SIL1: variants seen among roughly 807,000 people sequenced by gnomAD.
SIL1 encodes the protein nucleotide exchange factor SIL1.
In SIL1, 40 loss-of-function variants were observed where a neutral mutation model predicts 49.1. The observed-to-expected ratio is 0.81, with a 90% CI of 0.63 to 1.06. SIL1 has a LOEUF of 1.06. Among genes scored for constraint, SIL1 ranks in the 50% least tolerant of loss-of-function variants. SIL1 has a pLI of 0.00. For missense variants in SIL1, 500 were observed against 572.6 expected, an observed-to-expected ratio of 0.87 and a Z score of 1.29; for synonymous variants, 253 against 250.8, an observed-to-expected ratio of 1.01 and a Z score of -0.08.
intron 3 of SIL1, among the ~76,000 whole-genome samples, 160 bp downstream of exon 3, chr5:139,120,875 C>T (rs1750612985): frequency 6.6e-6 from 1 of 152,220 alleles, no homozygotes; most frequent in Non-Finnish European, 1.5e-5. Flanking sequence ...AAACGAAGGT[C>T]CCTGAGCCCT....
intron 3 of SIL1, among the ~76,000 whole-genome samples, chr5:139,113,792 G>C (rs1297175659): frequency 6.6e-6 from 1 of 152,188 alleles, no homozygotes; most frequent in African/African-American, 2.4e-5. Flanking sequence ...AGCTACAAAG[G>C]TTCTCTGAAC....
intron 7 of SIL1, among the ~76,000 whole-genome samples, chr5:139,011,648 A>T (rs1211417314): frequency 6.6e-6 from 1 of 152,046 alleles, no homozygotes; most frequent in Non-Finnish European, 1.5e-5. Context: ...TATAGTTTTA[A>T]AAGTTTGATT....
intron 7 of SIL1, among the ~76,000 whole-genome samples, chr5:139,003,611 AGAT>A (rs1768041865): frequency 6.6e-6 from 1 of 152,260 alleles, no homozygotes; most frequent in South Asian, 2.1e-4. Flanking sequence ...TCAAGACAGA[AGAT>A]GATGTCTCCT....
rs55731110 is a variant in SIL1 at position 139,128,651 on chromosome 5, C to CAA, written c.-10-800_-10-799dup. Among the ~76,000 whole-genome samples, 721 of 125,982 alleles carry CAA rather than the reference C, an allele frequency of 5.7e-3. 3 individuals are homozygous for CAA. Among genetic ancestry groups the CAA allele is most frequent in the African/African-American group, 0.022 (688 of 31,612 alleles). 82.6% of individuals were successfully genotyped at this position (125,982 alleles called of 152,430 possible). On this transcript the variant is annotated intron_variant, in intron 1 of 9. Transcript: ENST00000394817. ...GTGACAGAATGAGACCCCATCCCTC[C>CAA]AAAAAAAAAAAAAAAATTAAAAGAA... is the stretch of plus-strand genomic sequence containing the variant.
In SIL1 at chr5:139,076,915, G is replaced by A. The variant is rs187451515; in HGVS notation, c.245-25869C>T. Among the ~76,000 whole-genome samples the A allele has an allele frequency of 1.3e-5, 2 of 152,294 alleles. 1 individual carries two copies. Among genetic ancestry groups the A allele is most frequent in the Admixed American group, 1.3e-4 (2 of 15,294 alleles). On this transcript the variant is annotated intron_variant, in intron 3 of 9. Coordinates refer to ENST00000394817, the MANE Select transcript of SIL1 (RefSeq NM_022464.5). ...GGAGGCCAAGGCAGGCGGATCACGAGGTCAGGAGAGGAGATAAGACCATCC... is the reference window on the plus strand; with the variant it reads ...GGAGGCCAAGGCAGGCGGATCACGAAGTCAGGAGAGGAGATAAGACCATCC...
intron 1 of SIL1, among the ~76,000 whole-genome samples, chr5:139,194,429 G>C (rs547086276): frequency 6.6e-6 from 1 of 152,164 alleles, no homozygotes; most frequent in Non-Finnish European, 1.5e-5. Context: ...GAAATCCTTG[G>C]TGAAAGTAAA....
At chr5:138,949,887 A>G (rs1184372125) in intron 9 of SIL1, among the ~76,000 whole-genome samples, 1 of 152,126 alleles carries the variant, frequency 6.6e-6, no homozygotes, top group Non-Finnish European at 1.5e-5. Context: ...GCCTCAGCCC[A>G]AGTACAGTGT....
At chr5:139,022,884 T>G (rs1768560331) in intron 6 of SIL1, among the ~76,000 whole-genome samples, 1 of 152,224 alleles carries the variant, frequency 6.6e-6, no homozygotes, top group Non-Finnish European at 1.5e-5. Flanking sequence ...ATGTAAGAAT[T>G]CACTACCTAT....
intron 7 of SIL1, among the ~76,000 whole-genome samples, chr5:138,968,356 T>A (rs1018728507): frequency 2.0e-5 from 3 of 152,110 alleles, no homozygotes; most frequent in South Asian, 4.2e-4. Context: ...TGACCCTGTT[T>A]CAGGACCAAA....
intron 2 of SIL1, among the ~76,000 whole-genome samples, chr5:139,123,747 C>T (rs1368838284): frequency 1.3e-5 from 2 of 152,210 alleles, no homozygotes; most frequent in Admixed American, 1.3e-4. Flanking sequence ...AACTGGAGCC[C>T]TCTTGCCTTG....
chr5:139,108,297 T>C (rs1401150123), intron 3 of SIL1: 1 of 152,160 alleles, frequency 6.6e-6, no homozygotes, highest in Admixed American at 6.5e-5. Context: ...TAGATGAGCA[T>C]GTAGGTGTGC....
chr5:138,950,471 A>G (rs974471536), intron 9 of SIL1, among the ~76,000 whole-genome samples: 2 of 152,192 alleles, frequency 1.3e-5, no homozygotes, highest in Non-Finnish European at 2.9e-5. Flanking sequence ...CCCAGCCTCC[A>G]CCATTCGGCA....
chr5:139,148,372 C>T (rs1751231872), intron 1 of SIL1, among the ~76,000 whole-genome samples: 1 of 152,192 alleles, frequency 6.6e-6, no homozygotes, highest in African/African-American at 2.4e-5. Context: ...TGCAAAGGGA[C>T]TCTGGGTTCC....
At chr5:139,074,984 C>G (rs564132348) in intron 3 of SIL1, among the ~76,000 whole-genome samples, 1 of 152,270 alleles carries the variant, frequency 6.6e-6, no homozygotes, top group Non-Finnish European at 1.5e-5. Context: ...GCTACCATGT[C>G]TAGCTGATTT....
intron 3 of SIL1, among the ~76,000 whole-genome samples, chr5:139,074,249 G>C (rs964844112): frequency 2.6e-5 from 4 of 152,118 alleles, no homozygotes; most frequent in African/African-American, 7.2e-5. Flanking sequence ...TAGAGACAAG[G>C]TCTTACTATG....
intron 7 of SIL1, among the ~76,000 whole-genome samples, chr5:138,956,923 T>C (rs964205466): frequency 6.6e-6 from 1 of 152,132 alleles, no homozygotes; most frequent in African/African-American, 2.4e-5. Flanking sequence ...GGGACCTGTA[T>C]GGCCTCAGGA....
intron 1 of SIL1, among the ~76,000 whole-genome samples, chr5:139,181,258 G>C: frequency 6.6e-6 from 1 of 152,106 alleles, no homozygotes; most frequent in East Asian, 1.9e-4. Flanking sequence ...GGGAAACATG[G>C]CTCATCTGGG....
chr5:139,159,204 T>C (rs1444076052), intron 1 of SIL1, among the ~76,000 whole-genome samples: 1 of 152,100 alleles, frequency 6.6e-6, no homozygotes, highest in African/African-American at 2.4e-5. Flanking sequence ...TGCCATCCAA[T>C]TCCAAAGCAA....
At chr5:139,084,141 T>A (rs1770156081) in intron 3 of SIL1, among the ~76,000 whole-genome samples, 1 of 151,860 alleles carries the variant, frequency 6.6e-6, no homozygotes, top group African/African-American at 2.4e-5. Flanking sequence ...TTCTTTTGGC[T>A]TAGGATTGAC....
Sources: gnomAD v4.1 joint callset for allele counts (sites outside exome capture counted in the v4.1 genomes callset) on GRCh38, gnomAD v4.1.1 for gene constraint, MANE v1.5 for transcripts, NCBI Gene and HGNC (gene_info 2026-07-23, HGNC 2026-07-21) for gene names.